ITSN1: variants seen among roughly 807,000 people sequenced by gnomAD.
ITSN1 encodes the protein intersectin-1.
A neutral mutation model predicts 239.8 loss-of-function variants in ITSN1; 58 were observed. The observed-to-expected ratio is 0.24, with a 90% CI of 0.20 to 0.30. ITSN1 has a LOEUF of 0.30. Among genes scored for constraint, ITSN1 ranks in the 10% least tolerant of loss-of-function variants. ITSN1 has a pLI of 1.00. For missense variants in ITSN1, 1,558 were observed against 2,103.3 expected, an observed-to-expected ratio of 0.74 and a Z score of 5.07; for synonymous variants, 780 against 770.8, an observed-to-expected ratio of 1.01 and a Z score of -0.20.
chr21:33,799,124 T>G (rs1000702844), intron 18 of ITSN1, among the ~76,000 whole-genome samples: 2 of 152,212 alleles, frequency 1.3e-5, no homozygotes, highest in African/African-American at 4.8e-5. Flanking sequence ...GGTCTGTTAC[T>G]AGTTTTTGCT....
At chr21:33,702,435 TC>T (rs2092067489) in intron 1 of ITSN1, among the ~76,000 whole-genome samples, 1 of 152,148 alleles carries the variant, frequency 6.6e-6, no homozygotes, top group African/African-American at 2.4e-5. Flanking sequence ...TTGAAAATTT[TC>T]AAACATTCAG....
rs1412252919 is a variant in ITSN1 at position 33,797,532 on chromosome 21, A to C, written c.2106A>C (p.Gln702His). 6.2e-7 allele frequency: 1 copy of C among 1,614,178 alleles called. No individual in the cohort carries two copies. Residue 702 changes from glutamine to histidine, a missense_variant, in exon 18 of 40, where the codon CAA becomes CAC. Coordinates refer to ENST00000381318, the MANE Select transcript of ITSN1 (RefSeq NM_003024.3). The surrounding 1 kb of genome is among the most constrained non-coding windows in gnomAD (Gnocchi z 4.9). ...AGGAAAAAGGCAAACAGGAAGCACA[A>C]GACAAGCTGGGTCGGCTTTTCCATC... ...DGEEKGKQEA[Q>H]DKLGRLFHQH...
intron 14 of ITSN1, among the ~76,000 whole-genome samples, chr21:33,778,445 T>A (rs2147855643): frequency 6.6e-6 from 1 of 152,250 alleles, no homozygotes; most frequent in Admixed American, 6.5e-5. Context: ...TAAAATTCAT[T>A]ATGCAGATAT....
chr21:33,781,449 C>T lies in ITSN1; in HGVS notation c.1597-12C>T. The T allele has an allele frequency of 1.3e-6, 2 of 1,498,264 alleles. No individual in the cohort carries two copies. Among genetic ancestry groups the T allele is most frequent in the Non-Finnish European group, 1.9e-6 (2 of 1,079,666 alleles). 92.8% of individuals were successfully genotyped at this position (1,498,264 alleles called of 1,614,324 possible). A position where few individuals can be genotyped will look rare whatever the true frequency, so the allele number is the denominator to read the frequency against. Reference sequence around the variant, plus strand: ...CCTGTCATTCATTACTATTTTCCTCCTTCCTTCCCAGGAATCTCAGCAAAT... The same window carrying T: ...CCTGTCATTCATTACTATTTTCCTCTTTCCTTCCCAGGAATCTCAGCAAAT... On this transcript the variant is annotated splice_polypyrimidine_tract_variant and intron_variant, in intron 14 of 39. Coordinates refer to ENST00000381318, the MANE Select transcript of ITSN1 (RefSeq NM_003024.3).
chr21:33,711,663 TG>T (rs2092422140), intron 1 of ITSN1, among the ~76,000 whole-genome samples: 1 of 140,872 alleles, frequency 7.1e-6, no homozygotes, highest in African/African-American at 3.1e-5. Context: ...TGTGTGTGTG[TG>T]TGTGTGTGTG....
intron 17 of ITSN1, among the ~76,000 whole-genome samples, chr21:33,796,118 C>A (rs2071543448): frequency 6.6e-6 from 1 of 152,080 alleles, no homozygotes. Context: ...TGTGTGCTAC[C>A]ACGCCCAGCT....
chr21:33,684,075 A>AT (rs2091113860), intron 1 of ITSN1, among the ~76,000 whole-genome samples: 1 of 152,162 alleles, frequency 6.6e-6, no homozygotes, highest in Non-Finnish European at 1.5e-5. Flanking sequence ...TTCCCATGCT[A>AT]TGTTTTATTT....
At chr21:33,778,219 C>T (rs1292665832) in intron 14 of ITSN1, among the ~76,000 whole-genome samples, 2 of 152,096 alleles carry the variant, frequency 1.3e-5, no homozygotes, top group African/African-American at 4.8e-5. Flanking sequence ...CTGTTGAATT[C>T]AATTCAACAG....
chr21:33,752,810 T>G (rs2067646522), intron 7 of ITSN1, among the ~76,000 whole-genome samples: 1 of 147,118 alleles, frequency 6.8e-6, no homozygotes, highest in African/African-American at 2.6e-5. Context: ...CACTCTTGCC[T>G]GGGTGAGCCT....
At chr21:33,767,633 A>G (rs1333431951) in intron 10 of ITSN1, 80 bp from the exon 11 acceptor site, 1 of 687,708 alleles carries the variant, frequency 1.5e-6, no homozygotes, top group Admixed American at 2.9e-5. Context: ...AAAATCTTTA[A>G]AAATCCTTCT....
At chr21:33,654,626 A>T (rs772096169) in intron 1 of ITSN1, among the ~76,000 whole-genome samples, 1 of 152,078 alleles carries the variant, frequency 6.6e-6, no homozygotes. Flanking sequence ...CACCTGACCA[A>T]CCTGGCCCAA....
At chr21:33,821,459 G>T (rs1259060843) in intron 24 of ITSN1, among the ~76,000 whole-genome samples, 3 of 152,190 alleles carry the variant, frequency 2.0e-5, no homozygotes, top group Non-Finnish European at 4.4e-5. Flanking sequence ...CTGTAAACCA[G>T]ATAAAATAGA....
chr21:33,858,835 G>T, intron 31 of ITSN1, 43 bp downstream of exon 31: 2 of 1,175,718 alleles, frequency 1.7e-6, no homozygotes, highest in Non-Finnish European at 2.5e-6. Context: ...GGCCTCCTCG[G>T]CTCTCATGCA....
chr21:33,856,458 T>G (rs1283926649), intron 29 of ITSN1, among the ~76,000 whole-genome samples: 1 of 152,206 alleles, frequency 6.6e-6, no homozygotes, highest in Non-Finnish European at 1.5e-5. Context: ...TGTCTTCTTC[T>G]CATAAGGACA....
At chr21:33,773,077 G>C (rs1327007277) in intron 12 of ITSN1, among the ~76,000 whole-genome samples, 2 of 149,652 alleles carry the variant, frequency 1.3e-5, no homozygotes, top group East Asian at 3.9e-4. Context: ...CATGATCTCA[G>C]CTCACTGCAA....
At chr21:33,658,108 T>C (rs1478955584) in intron 1 of ITSN1, among the ~76,000 whole-genome samples, 1 of 152,266 alleles carries the variant, frequency 6.6e-6, no homozygotes, top group African/African-American at 2.4e-5. Flanking sequence ...ATATGTATGA[T>C]ATATTCTATT....
intron 26 of ITSN1, among the ~76,000 whole-genome samples, chr21:33,827,069 G>A (rs2074012179): frequency 6.6e-6 from 1 of 152,162 alleles, no homozygotes; most frequent in African/African-American, 2.4e-5. Flanking sequence ...GAGTGGAGAC[G>A]TTACCTAACA....
chr21:33,655,698 G>T (rs2146195143), intron 1 of ITSN1, among the ~76,000 whole-genome samples: 1 of 151,566 alleles, frequency 6.6e-6, no homozygotes, highest in African/African-American at 2.4e-5. Context: ...CTCCCAAAGT[G>T]CTGGAATTAC....
At chr21:33,768,107 T>C (rs1464161145) in intron 11 of ITSN1, among the ~76,000 whole-genome samples, 1 of 152,142 alleles carries the variant, frequency 6.6e-6, no homozygotes, top group Non-Finnish European at 1.5e-5. Context: ...GTAAATGTTA[T>C]CCATAGAATA....
Sources: gnomAD v4.1 joint callset for allele counts (sites outside exome capture counted in the v4.1 genomes callset) on GRCh38, gnomAD v4.1.1 for gene constraint, Gnocchi (gnomAD v3.1) non-coding constraint, MANE v1.5 for transcripts, NCBI Gene and HGNC (gene_info 2026-07-23, HGNC 2026-07-21) for gene names.